Variants in GRP observed in about 807,000 individuals in gnomAD.
GRP encodes the protein gastrin releasing peptide.
Under a neutral mutation model 12.7 loss-of-function variants are expected in GRP, and 11 were observed. The observed-to-expected ratio is 0.87, with a 90% CI of 0.55 to 1.44. GRP has a LOEUF of 1.44. GRP is among the 40% of genes most tolerant of loss of function. GRP has a pLI of 0.00. For synonymous variants in GRP, 84 were observed against 77.7 expected (o/e 1.08, Z -0.43); for missense variants, 212 against 185.4 (o/e 1.14, Z -0.83).
chr18:59,225,878 TGACA>T (rs1171162061), intron 2 of GRP, 144 bp downstream of exon 2: 5 of 649,758 alleles, frequency 7.7e-6, no homozygotes, highest in Admixed American at 3.1e-5. Context: ...CTAAGCACAT[TGACA>T]GACAATTTCT....
At chr18:59,219,799 G>A (rs1027487869), upstream of GRP, among the ~76,000 whole-genome samples, 2 of 151,776 alleles carry the variant, frequency 1.3e-5, no homozygotes, top group East Asian at 3.9e-4. Flanking sequence ...CACCCCTCCC[G>A]GCCCAGATCA....
chr18:59,220,431 G>A, intron 1 of GRP, 27 bp downstream of exon 1: 1 of 1,339,382 alleles, frequency 7.5e-7, no homozygotes, highest in Non-Finnish European at 9.6e-7. Flanking sequence ...CGGGAGCCGC[G>A]CGCTTGTCCT....
intron 2 of GRP, among the ~76,000 whole-genome samples, chr18:59,227,086 GCT>G (rs1160373421): frequency 6.7e-5 from 4 of 59,752 alleles, no homozygotes; most frequent in African/African-American, 1.4e-4. Context: ...TTTCTCTCTT[GCT>G]CTCTCTCTCT....
intron 1 of GRP, among the ~76,000 whole-genome samples, chr18:59,223,893 C>G (rs1158740832): frequency 6.6e-6 from 1 of 152,124 alleles, no homozygotes; most frequent in African/African-American, 2.4e-5. Context: ...GGACAGTATC[C>G]CCAGTTAGGA....
intron 2 of GRP, among the ~76,000 whole-genome samples, chr18:59,229,539 C>G (rs547544092): frequency 1.3e-5 from 2 of 152,072 alleles, no homozygotes; most frequent in Non-Finnish European, 2.9e-5. Flanking sequence ...GGCTCATTAG[C>G]CCATGGTCAA....
chr18:59,225,888 T>C (rs533402869), intron 2 of GRP, among the ~76,000 whole-genome samples, 154 bp downstream of exon 2: 1 of 152,296 alleles, frequency 6.6e-6, no homozygotes, highest in Admixed American at 6.5e-5. Context: ...TGACAGACAA[T>C]TTCTACATTC....
chr18:59,220,065 G>A, upstream of GRP: 1 of 435,394 alleles, frequency 2.3e-6, no homozygotes. Context: ...TTAGCTATAG[G>A]GAGACGTCAG....
At chr18:59,227,633 G>A (rs559093194) in intron 2 of GRP, among the ~76,000 whole-genome samples, 3 of 152,202 alleles carry the variant, frequency 2.0e-5, no homozygotes, top group Admixed American at 6.5e-5. Context: ...CTCATAGCTC[G>A]TTCATGAAAT....
intron 1 of GRP, among the ~76,000 whole-genome samples, chr18:59,221,577 C>G (rs928068354): frequency 1.3e-5 from 2 of 150,472 alleles, no homozygotes; most frequent in Admixed American, 1.3e-4. Context: ...GTGTGTGTGT[C>G]TCTGTGTGTG....
In GRP at chr18:59,220,405, G is replaced by A. The variant is rs1440145701; in HGVS notation, c.139+1G>A. The A allele has an allele frequency of 2.2e-6, 3 of 1,368,070 alleles. No homozygotes were observed. The highest frequency in any genetic ancestry group is 6.0e-5 in the East Asian group (2 of 33,194). The allele number at this position is 1,368,070 out of a possible 1,614,324, so 84.7% of individuals were successfully genotyped here. ...CCGCGCGGCAACCACTGGGCGGTGG[G>A]TGAGTGTCCTGGCCGCGGGAGCCGC... On this transcript the variant is annotated splice_donor_variant, in intron 1 of 2. Transcript: ENST00000256857. LOFTEE classifies it high-confidence loss of function.
At chr18:59,227,199 C>G (rs1468973570) in intron 2 of GRP, among the ~76,000 whole-genome samples, 1 of 151,162 alleles carries the variant, frequency 6.6e-6, no homozygotes, top group Non-Finnish European at 1.5e-5. Context: ...ATGTGGGTTT[C>G]TATGCTAAAT....
Position 59,220,354 on chromosome 18 carries a change from G to T in GRP, c.89G>T (p.Gly30Val). The T allele has an allele frequency of 6.8e-7, 1 of 1,477,734 alleles. No individual in the cohort carries two copies. Among genetic ancestry groups the T allele is most frequent in the Non-Finnish European group, 8.9e-7 (1 of 1,117,516 alleles). The allele number at this position is 1,477,734 out of a possible 1,614,324, so 91.5% of individuals were successfully genotyped here. ...CGAGCGGTCCCGCTGCCTGCGGGCG[G>T]AGGGACCGTGCTGACCAAGATGTAC... is the stretch of plus-strand genomic sequence containing the variant. ...RGRAVPLPAGGGTVLTKMYPR... is the reference protein window; with the variant it reads ...RGRAVPLPAGVGTVLTKMYPR... Residue 30 changes from glycine to valine, a missense_variant, in exon 1 of 3, where the codon GGA becomes GTA. Coordinates refer to ENST00000256857, the MANE Select transcript of GRP (RefSeq NM_002091.5).
chr18:59,230,695 T>C lies in GRP; in HGVS notation c.*227T>C, dbSNP rs1006621094. 5.7e-6 allele frequency: 3 copies of C among 527,894 alleles called. No individual in the cohort carries two copies. In the African/African-American group the frequency reaches 5.7e-5, roughly 10 times the overall value. The allele number at this position is 527,894 out of a possible 1,614,324, so 32.7% of individuals were successfully genotyped here. Reference sequence around the variant, plus strand: ...GTCTTCCAATTAATGCTTTTTTATATCTAGGCTACCTGTTGGTTAGATTCA... The same window carrying C: ...GTCTTCCAATTAATGCTTTTTTATACCTAGGCTACCTGTTGGTTAGATTCA... On this transcript the variant is annotated 3_prime_UTR_variant, in exon 3 of 3. Coordinates refer to ENST00000256857, the MANE Select transcript of GRP (RefSeq NM_002091.5).
chr18:59,229,101 GTGC>G (rs761738929), intron 2 of GRP, among the ~76,000 whole-genome samples: 30 of 152,186 alleles, frequency 2.0e-4, no homozygotes, highest in Non-Finnish European at 4.1e-4. Flanking sequence ...TCCAAAGGAA[GTGC>G]CAAATATAGA....
At chr18:59,222,373 C>T (rs917540720) in intron 1 of GRP, among the ~76,000 whole-genome samples, 2 of 152,214 alleles carry the variant, frequency 1.3e-5, no homozygotes, top group African/African-American at 4.8e-5. Context: ...GAATACCAAC[C>T]AGTGGTGACC....
Position 59,226,456 on chromosome 18 carries a change from G to A in GRP, c.382+722G>A, listed in dbSNP as rs191541576. ...ACAAAATAATAATTACAATAACAAC[G>A]GTGGCTAGTTTTACTGAATATTTAC... On this transcript the variant is annotated intron_variant, in intron 2 of 2. Coordinates refer to ENST00000256857, the MANE Select transcript of GRP (RefSeq NM_002091.5). Among the ~76,000 whole-genome samples the A allele has an allele frequency of 1.4e-3, 212 of 152,240 alleles. 1 individual carries two copies. Among genetic ancestry groups the A allele is most frequent in the African/African-American group, 4.8e-3 (201 of 41,534 alleles).
intron 2 of GRP, among the ~76,000 whole-genome samples, chr18:59,228,938 A>G (rs1275270475): frequency 6.6e-6 from 1 of 152,172 alleles, no homozygotes; most frequent in Non-Finnish European, 1.5e-5. Flanking sequence ...CCTTTTATTT[A>G]GTGGACATGA....
intron 1 of GRP, among the ~76,000 whole-genome samples, chr18:59,222,129 A>G (rs1237713913): frequency 6.6e-6 from 1 of 152,208 alleles, no homozygotes; most frequent in Admixed American, 6.5e-5. Flanking sequence ...CTGGATTCCC[A>G]ATCTCTTTGT....
At chr18:59,220,605 C>G (rs1173396789) in intron 1 of GRP, among the ~76,000 whole-genome samples, 1 of 152,168 alleles carries the variant, frequency 6.6e-6, no homozygotes, top group Non-Finnish European at 1.5e-5. Context: ...GCCCATGAGT[C>G]CCTAGTCAGC....
Sources: gnomAD v4.1 joint callset for allele counts (sites outside exome capture counted in the v4.1 genomes callset) on GRCh38, gnomAD v4.1.1 for gene constraint, MANE v1.5 for transcripts, NCBI Gene and HGNC (gene_info 2026-07-23, HGNC 2026-07-21) for gene names.